NFIB: variants seen among roughly 807,000 people sequenced by gnomAD.
The protein encoded by NFIB is nuclear factor 1 B-type.
NFIB carries 11 observed loss-of-function variants against 61.5 expected under a neutral mutation model. The observed-to-expected ratio is 0.18, with a 90% CI of 0.11 to 0.30. NFIB has a LOEUF of 0.30. Among genes scored for constraint, NFIB ranks in the 10% least tolerant of loss-of-function variants. The pLI is 1.00. For synonymous variants in NFIB, 260 were observed against 216.5 expected, an observed-to-expected ratio of 1.20 and a Z score of -1.76; for missense variants, 471 against 608.9, an observed-to-expected ratio of 0.77 and a Z score of 2.38.
At chr9:14,129,251 G>T (rs1390675268) in intron 6 of NFIB, among the ~76,000 whole-genome samples, 2 of 152,082 alleles carry the variant, frequency 1.3e-5, no homozygotes, top group African/African-American at 4.8e-5. Context: ...GGTAGTATCA[G>T]AATATAGGTT....
intron 3 of NFIB, among the ~76,000 whole-genome samples, chr9:14,165,280 C>T (rs1202278988): frequency 1.3e-5 from 2 of 152,270 alleles, no homozygotes; most frequent in Non-Finnish European, 2.9e-5. Flanking sequence ...TTATAAGCCT[C>T]TATGAGGCCA....
the NFIB span, among the ~76,000 whole-genome samples, chr9:14,409,128 T>C: frequency 1.3e-5 from 2 of 152,178 alleles, no homozygotes; most frequent in Non-Finnish European, 2.9e-5. Flanking sequence ...GCTGTAAACA[T>C]TTCCATCATG....
At chr9:14,186,756 A>C (rs1587426443) in intron 2 of NFIB, among the ~76,000 whole-genome samples, 1 of 149,418 alleles carries the variant, frequency 6.7e-6, no homozygotes, top group East Asian at 1.9e-4. Flanking sequence ...CCTATTACAT[A>C]ATTTGGCTTT....
At chr9:14,294,723 C>T (rs1013976071) in intron 2 of NFIB, among the ~76,000 whole-genome samples, 1 of 152,176 alleles carries the variant, frequency 6.6e-6, no homozygotes, top group African/African-American at 2.4e-5. Flanking sequence ...ATAACTTTTC[C>T]TATTAACTCC....
chr9:14,302,456 C>T (rs1192825741), intron 2 of NFIB, among the ~76,000 whole-genome samples: 1 of 152,078 alleles, frequency 6.6e-6, no homozygotes, highest in Admixed American at 6.5e-5. Context: ...AAAGTGGCCA[C>T]CCAACAAGAG....
chr9:14,118,763 TTTTTC>T (rs1426817042), intron 8 of NFIB, among the ~76,000 whole-genome samples: 1 of 145,728 alleles, frequency 6.9e-6, no homozygotes, highest in Non-Finnish European at 1.5e-5. Context: ...CTAGTTTTTC[TTTTTC>T]TTTTTTTTTT....
At chr9:14,229,094 T>C (rs1307170168) in intron 2 of NFIB, among the ~76,000 whole-genome samples, 1 of 151,532 alleles carries the variant, frequency 6.6e-6, no homozygotes, top group African/African-American at 2.4e-5. Context: ...GTGCCCTAAA[T>C]ATCACAGGAA....
chr9:14,185,027 C>T (rs1214028388), intron 2 of NFIB, among the ~76,000 whole-genome samples: 2 of 152,032 alleles, frequency 1.3e-5, no homozygotes, highest in African/African-American at 4.8e-5. Flanking sequence ...AGTAGGTGCT[C>T]TGTAATGCTT....
intron 1 of NFIB, among the ~76,000 whole-genome samples, chr9:14,375,466 A>C (rs147094946): frequency 1.3e-5 from 2 of 151,572 alleles, no homozygotes; most frequent in Non-Finnish European, 2.9e-5. Flanking sequence ...GACCAGCCTG[A>C]CCAACATGGT....
At chr9:14,409,376 T>C in the NFIB span, among the ~76,000 whole-genome samples, 19 of 152,206 alleles carry the variant, frequency 1.2e-4, no homozygotes, top group Non-Finnish European at 2.6e-4. Context: ...GCTCCCTGTC[T>C]AGAGATGAAG....
At chr9:14,194,054 G>C (rs1315630917) in intron 2 of NFIB, among the ~76,000 whole-genome samples, 2 of 151,894 alleles carry the variant, frequency 1.3e-5, no homozygotes, top group African/African-American at 4.8e-5. Context: ...ATCATACAGA[G>C]ATCATTTCAA....
At chr9:14,378,770 G>C (rs2061449751) in intron 1 of NFIB, among the ~76,000 whole-genome samples, 1 of 152,190 alleles carries the variant, frequency 6.6e-6, no homozygotes, top group Non-Finnish European at 1.5e-5. Context: ...AAAAAAATGA[G>C]GTAAGCATAG....
At chr9:14,508,539 C>A in the NFIB span, among the ~76,000 whole-genome samples, 1 of 152,164 alleles carries the variant, frequency 6.6e-6, no homozygotes, top group African/African-American at 2.4e-5. Flanking sequence ...TCTTAGAGGG[C>A]GAGAATTATA....
chr9:14,497,663 G>A, the NFIB span, among the ~76,000 whole-genome samples: 1 of 152,220 alleles, frequency 6.6e-6, no homozygotes, highest in Admixed American at 6.5e-5. Flanking sequence ...CTTCCAGGAT[G>A]CTTTCCATGT....
At chr9:14,205,429 AT>A (rs1466284007) in intron 2 of NFIB, among the ~76,000 whole-genome samples, 1 of 151,812 alleles carries the variant, frequency 6.6e-6, no homozygotes, top group African/African-American at 2.4e-5. Flanking sequence ...GTACACCTTC[AT>A]AAGTACGATA....
At chr9:14,176,425 T>C (rs947057836) in intron 3 of NFIB, among the ~76,000 whole-genome samples, 8 of 152,102 alleles carry the variant, frequency 5.3e-5, no homozygotes, top group Admixed American at 5.2e-4. Flanking sequence ...GTAGAGCACC[T>C]TCACTCCAAA....
rs35774336 is a variant in NFIB, at chr9:14,350,514, T to TGG, written c.109-42996_109-42995dup. On this transcript the variant is annotated intron_variant, in intron 1 of 8. Coordinates refer to the NFIB transcript ENST00000380934. Reference sequence around the variant, plus strand: ...TATAGGGCGAAAGACCTGGGTGGGGTGGGGGGGGAAGTTGGGGGTCTTCTA... The same window carrying TGG: ...TATAGGGCGAAAGACCTGGGTGGGGTGGGGGGGGGGAAGTTGGGGGTCTTCTA... Among the ~76,000 whole-genome samples, 819 of 140,142 alleles carry TGG rather than the reference T, an allele frequency of 5.8e-3. 5 individuals carry two copies. The highest frequency in any genetic ancestry group is 0.015 in the South Asian group (64 of 4,272). 91.9% of individuals were successfully genotyped at this position (140,142 alleles called of 152,430 possible).
chr9:14,146,919 AATAATGGTGAGT>A (rs2042332504), intron 5 of NFIB, 112 bp from the exon 6 acceptor site: 3 of 1,365,174 alleles, frequency 2.2e-6, no homozygotes, highest in South Asian at 1.3e-5. Flanking sequence ...AAGCACAAGT[AATAATGGTGAGT>A]ATAATGGTGA....
At chr9:14,273,850 C>T (rs932948862) in intron 2 of NFIB, among the ~76,000 whole-genome samples, 1 of 152,172 alleles carries the variant, frequency 6.6e-6, no homozygotes, top group African/African-American at 2.4e-5. Flanking sequence ...GAAAAGTCTC[C>T]TCCCAAGAGG....
Sources: gnomAD v4.1 joint callset for allele counts (sites outside exome capture counted in the v4.1 genomes callset) on GRCh38, gnomAD v4.1.1 for gene constraint, MANE v1.5 for transcripts, NCBI Gene and HGNC (gene_info 2026-07-23, HGNC 2026-07-21) for gene names.